The following PGBD5 variants were observed in gnomAD, a reference collection of about 807,000 sequenced individuals.
The protein encoded by PGBD5 is piggyBac transposable element derived 5.
Under a neutral mutation model 47.9 loss-of-function variants are expected in PGBD5, and 14 were observed. That is an observed-to-expected ratio of 0.29 (90% confidence interval 0.19 to 0.46). The LOEUF (loss-of-function observed/expected upper bound fraction) is 0.46. Among genes scored for constraint, PGBD5 ranks in the 20% least tolerant of loss-of-function variants. The pLI, the probability that PGBD5 is intolerant of heterozygous loss-of-function variation, is 1.00. For missense variants in PGBD5, 635 were observed against 716.0 expected, an observed-to-expected ratio of 0.89 and a Z score of 1.29; for synonymous variants, 316 against 306.3, an observed-to-expected ratio of 1.03 and a Z score of -0.33.
At chr1:230,418,738 C>A (rs1328332829) in intron 1 of PGBD5, among the ~76,000 whole-genome samples, 2 of 152,210 alleles carry the variant, frequency 1.3e-5, no homozygotes, top group South Asian at 4.1e-4. Context: ...AATTCTCCCA[C>A]GTCAGCTCCC....
At chr1:230,340,761 T>A (rs1667397182) in intron 3 of PGBD5, among the ~76,000 whole-genome samples, 1 of 152,064 alleles carries the variant, frequency 6.6e-6, no homozygotes, top group African/African-American at 2.4e-5. Context: ...CTTGCTGTCT[T>A]GGAATTAACA....
chr1:230,358,740 G>A (rs1175502732), intron 1 of PGBD5, among the ~76,000 whole-genome samples: 1 of 152,140 alleles, frequency 6.6e-6, no homozygotes, highest in Non-Finnish European at 1.5e-5. Context: ...CTTGCCTATT[G>A]TACTGTATTC....
rs1183270538 is a variant in PGBD5, at chr1:230,318,942, A to C, written c.*4483T>G. ...TCCATCTAGGACAAGAAAAGGACCC[A>C]GGGGGAGGGTGATGTCCCGGATCTC... On this transcript the variant is annotated 3_prime_UTR_variant, in exon 7 of 7. Transcript: ENST00000391860. 6.6e-6 allele frequency: 1 copy of C among 152,234 alleles called. No homozygotes were observed. Among genetic ancestry groups the C allele is most frequent in the Non-Finnish European group, 1.5e-5 (1 of 68,050 alleles). The allele number at this position is 152,234 out of a possible 1,614,324, so 9.4% of individuals were successfully genotyped here.
intron 1 of PGBD5, among the ~76,000 whole-genome samples, chr1:230,401,431 T>C (rs1432135795): frequency 1.3e-5 from 2 of 152,218 alleles, no homozygotes; most frequent in Admixed American, 1.3e-4. Context: ...CATGAGGGCC[T>C]GATCTGGCCT....
chr1:230,318,699 C>G lies in PGBD5; in HGVS notation c.*4726G>C, dbSNP rs1174770185. On this transcript the variant is annotated 3_prime_UTR_variant, in exon 7 of 7. Transcript: ENST00000391860. ...CGCCTCTGGCCTAGATCCCAGGGCA[C>G]TCTGATGAGACCCCACAGCTGGCTC... 1 of 152,300 alleles carries G rather than the reference C, an allele frequency of 6.6e-6. No individual in the cohort carries two copies. Among genetic ancestry groups the G allele is most frequent in the Non-Finnish European group, 1.5e-5 (1 of 68,118 alleles). The allele number at this position is 152,300 out of a possible 1,614,324, so 9.4% of individuals were successfully genotyped here.
intron 1 of PGBD5, among the ~76,000 whole-genome samples, chr1:230,411,020 T>A (rs1281760073): frequency 3.9e-5 from 6 of 152,080 alleles, no homozygotes; most frequent in Non-Finnish European, 7.4e-5. Context: ...ACACTATCTG[T>A]AATCCCAGCA....
chr1:230,384,571 C>T (rs1656590776), intron 1 of PGBD5, among the ~76,000 whole-genome samples: 1 of 152,108 alleles, frequency 6.6e-6, no homozygotes, highest in Non-Finnish European at 1.5e-5. Context: ...CCTCAGTTCC[C>T]TGCGGGAGCA....
At chr1:230,348,683 G>T (rs796645462) in intron 3 of PGBD5, among the ~76,000 whole-genome samples, 1 of 152,238 alleles carries the variant, frequency 6.6e-6, no homozygotes, top group African/African-American at 2.4e-5. Context: ...ACTGTCCCCG[G>T]GTCATGTGGC....
chr1:230,374,453 T>C (rs1268898790), intron 1 of PGBD5, among the ~76,000 whole-genome samples: 1 of 152,124 alleles, frequency 6.6e-6, no homozygotes, highest in African/African-American at 2.4e-5. Flanking sequence ...AGAACACCTT[T>C]ACAGAGATTA....
intron 4 of PGBD5, chr1:230,336,202 C>T (rs1667322925): frequency 6.6e-6 from 1 of 152,200 alleles, no homozygotes; most frequent in South Asian, 2.1e-4. Context: ...CACTTCATGT[C>T]GTCGAATCTC....
At position 230,357,401 on chromosome 1, in the gene PGBD5, A is replaced by G. The variant is rs1485546770; in HGVS notation, c.332-80T>C. On this transcript the variant is annotated intron_variant, in intron 1 of 6. Transcript: ENST00000391860. The surrounding 1 kb of genome is among the most constrained non-coding windows in gnomAD (Gnocchi z 5.7). ...CGACACGAGAACGGCTGCATTTCCA[A>G]TCCCTGGGTCCCTGGCCGAGTGCCC... The G allele has an allele frequency of 6.7e-7, 1 of 1,481,878 alleles. No individual in the cohort carries two copies. The highest frequency in any genetic ancestry group is 9.2e-7 in the Non-Finnish European group (1 of 1,088,434). The allele number at this position is 1,481,878 out of a possible 1,614,324, so 91.8% of individuals were successfully genotyped here. A position where few individuals can be genotyped will look rare whatever the true frequency, so the allele number is the denominator to read the frequency against.
At chr1:230,359,600 C>T (rs1327276136) in intron 1 of PGBD5, among the ~76,000 whole-genome samples, 3 of 152,122 alleles carry the variant, frequency 2.0e-5, no homozygotes, top group Non-Finnish European at 1.5e-5. Flanking sequence ...TTTCTTAATC[C>T]CTCCTAGCTC....
At chr1:230,335,654 A>T (rs62649455) in intron 4 of PGBD5, among the ~76,000 whole-genome samples, 1 of 52,586 alleles carries the variant, frequency 1.9e-5, no homozygotes, top group Non-Finnish European at 4.3e-5. Flanking sequence ...CAGACGCACA[A>T]ACAGACACAC....
intron 4 of PGBD5, among the ~76,000 whole-genome samples, chr1:230,335,649 G>A (rs1239472393): frequency 0.06 from 72 of 1,210 alleles, 3 homozygotes; most frequent in South Asian, 0.14. Context: ...AAACACAGAC[G>A]CACAAACAGA....
At chr1:230,328,371 T>G (rs1163763579) in intron 5 of PGBD5, among the ~76,000 whole-genome samples, 1 of 152,162 alleles carries the variant, frequency 6.6e-6, no homozygotes. Context: ...TTCCCCAGTT[T>G]ATAAACCAGA....
At chr1:230,409,812 A>G (rs961308049) in intron 1 of PGBD5, among the ~76,000 whole-genome samples, 1 of 152,176 alleles carries the variant, frequency 6.6e-6, no homozygotes, top group African/African-American at 2.4e-5. Flanking sequence ...AAAAAAATGG[A>G]AAGTGAAGAA....
At chr1:230,328,349 C>T (rs1209849206) in intron 5 of PGBD5, among the ~76,000 whole-genome samples, 1 of 152,176 alleles carries the variant, frequency 6.6e-6, no homozygotes, top group East Asian at 1.9e-4. Flanking sequence ...TCTGCATCCT[C>T]TCCTTGAGCA....
chr1:230,392,857 C>T (rs1042153146), intron 1 of PGBD5, among the ~76,000 whole-genome samples: 1 of 151,970 alleles, frequency 6.6e-6, no homozygotes, highest in Admixed American at 6.6e-5. Context: ...GCTGACAGCA[C>T]ACTAGACCCC....
rs575336534 is a variant in PGBD5, at chr1:230,365,326, A to C, written c.332-8005T>G. ...AGACTCCATCTCAAAAAAAAAAAAAAAGCTAATCAATTGGCTAATATAGAT... is the reference window on the plus strand; with the variant it reads ...AGACTCCATCTCAAAAAAAAAAAAACAGCTAATCAATTGGCTAATATAGAT... On this transcript the variant is annotated intron_variant, in intron 1 of 6. Transcript: ENST00000391860. Among the ~76,000 whole-genome samples, 84 of 152,084 alleles carry C rather than the reference A, an allele frequency of 5.5e-4. 1 individual carries two copies. Among genetic ancestry groups the C allele is most frequent in the African/African-American group, 1.8e-3 (76 of 41,488 alleles).
Sources: allele counts gnomAD v4.1 joint callset (sites outside exome capture counted in the v4.1 genomes callset), GRCh38; gene constraint gnomAD v4.1.1; non-coding constraint Gnocchi (gnomAD v3.1); transcripts MANE v1.5; gene names NCBI Gene and HGNC (gene_info 2026-07-23, HGNC 2026-07-21).